TNR: variants seen among roughly 807,000 people sequenced by gnomAD.
TNR encodes tenascin-R.
Under a neutral mutation model 150.4 loss-of-function variants are expected in TNR, and 45 were observed. That is an observed-to-expected ratio of 0.30 (90% CI 0.24 to 0.38). The LOEUF (loss-of-function observed/expected upper bound fraction) is 0.38, where lower values mean the gene tolerates loss of function less well. TNR is among the 10% of genes least tolerant of loss of function. TNR has a pLI of 1.00. For synonymous variants in TNR, 687 were observed against 678.4 expected, an observed-to-expected ratio of 1.01 and a Z score of -0.20; for missense variants, 1,544 against 1,759.1, an observed-to-expected ratio of 0.88 and a Z score of 2.19.
chr1:175,536,957 C>T (rs12126866), intron 1 of TNR, among the ~76,000 whole-genome samples: 1 of 152,240 alleles, frequency 6.6e-6, no homozygotes, highest in African/African-American at 2.4e-5. Flanking sequence ...GGAGTGCTCC[C>T]TAGCCTCCAC....
Position 175,354,651 on chromosome 1 carries a change from C to T in TNR, c.3250-128G>A, listed in dbSNP as rs935662621. 42 of 1,222,756 alleles carry T rather than the reference C, an allele frequency of 3.4e-5. No individual in the cohort carries two copies. In the African/African-American group the frequency reaches 5.1e-4, roughly 15 times the overall value. 75.7% of individuals were successfully genotyped at this position (1,222,756 alleles called of 1,614,324 possible). A position where few individuals can be genotyped will look rare whatever the true frequency, so the allele number is the denominator to read the frequency against. ...ATTGCAATGGCCATTGTCATCCTCTCCATCCCACAATAAGGATTACTGCAC... is the reference window on the plus strand; with the variant it reads ...ATTGCAATGGCCATTGTCATCCTCTTCATCCCACAATAAGGATTACTGCAC... On this transcript the variant is annotated intron_variant, in intron 17 of 22. Coordinates refer to ENST00000367674, the MANE Select transcript of TNR (RefSeq NM_003285.3).
At chr1:175,556,901 G>A (rs1254252489) in intron 1 of TNR, 1 of 152,148 alleles carries the variant, frequency 6.6e-6, no homozygotes, top group Non-Finnish European at 1.5e-5. Context: ...ACACCATATA[G>A]CAAAAGTGTT....
At chr1:175,546,845 G>A (rs533377070) in intron 1 of TNR, among the ~76,000 whole-genome samples, 93 of 152,246 alleles carry the variant, frequency 6.1e-4, no homozygotes, top group African/African-American at 2.0e-3. Flanking sequence ...GCAGTGAGCT[G>A]AGTAAAACAA....
intron 2 of TNR, among the ~76,000 whole-genome samples, chr1:175,526,741 G>T (rs1244291090): frequency 6.6e-6 from 1 of 152,242 alleles, no homozygotes; most frequent in East Asian, 1.9e-4. Context: ...GGCAAGCAAG[G>T]CAGTTCAGGC....
intron 1 of TNR, among the ~76,000 whole-genome samples, chr1:175,708,130 T>C (rs1376975946): frequency 6.6e-6 from 1 of 152,026 alleles, no homozygotes; most frequent in African/African-American, 2.4e-5. Flanking sequence ...GCATAACTTA[T>C]TACTTGCCAT....
At chr1:175,509,468 G>C (rs1309606807) in intron 2 of TNR, among the ~76,000 whole-genome samples, 1 of 151,994 alleles carries the variant, frequency 6.6e-6, no homozygotes, top group Non-Finnish European at 1.5e-5. Context: ...TGATTTTCTT[G>C]GCTCTTATCT....
chr1:175,729,719 T>G (rs1230856943), intron 1 of TNR, among the ~76,000 whole-genome samples: 1 of 152,166 alleles, frequency 6.6e-6, no homozygotes, highest in East Asian at 1.9e-4. Flanking sequence ...TTTATGAAAC[T>G]ATCTAGAATG....
intron 1 of TNR, among the ~76,000 whole-genome samples, chr1:175,564,481 A>G (rs1661558114): frequency 6.6e-6 from 1 of 152,240 alleles, no homozygotes; most frequent in Admixed American, 6.5e-5. Context: ...TACATAATTA[A>G]TATATCAAAT....
At chr1:175,406,071 T>C in intron 3 of TNR, 145 bp downstream of exon 3, 1 of 1,093,710 alleles carries the variant, frequency 9.1e-7, no homozygotes, top group Non-Finnish European at 1.3e-6. Flanking sequence ...GACACTTTTT[T>C]CCTTTGACCG....
intron 18 of TNR, among the ~76,000 whole-genome samples, chr1:175,338,568 A>G (rs934693099): frequency 1.3e-4 from 20 of 152,114 alleles, no homozygotes; most frequent in African/African-American, 4.8e-4. Context: ...AAATAGTATG[A>G]TCTTCTGGGT....
intron 2 of TNR, among the ~76,000 whole-genome samples, chr1:175,483,390 C>T (rs1334175899): frequency 6.6e-6 from 1 of 152,140 alleles, no homozygotes; most frequent in Non-Finnish European, 1.5e-5. Context: ...ATCAAAGGCA[C>T]TGTAAGAGCA....
At chr1:175,693,653 G>T (rs969353810) in intron 1 of TNR, among the ~76,000 whole-genome samples, 1 of 152,208 alleles carries the variant, frequency 6.6e-6, no homozygotes, top group South Asian at 2.1e-4. Flanking sequence ...ACAGGTGACT[G>T]TTCTAAAATT....
At chr1:175,329,823 G>A (rs764877691) in intron 21 of TNR, among the ~76,000 whole-genome samples, 2 of 152,176 alleles carry the variant, frequency 1.3e-5, no homozygotes, top group Non-Finnish European at 2.9e-5. Context: ...GTGAAGTAGG[G>A]CAGGCATCCT....
At chr1:175,390,020 G>A (rs1053929052) in intron 7 of TNR, among the ~76,000 whole-genome samples, 4 of 152,192 alleles carry the variant, frequency 2.6e-5, no homozygotes, top group Admixed American at 6.5e-5. Flanking sequence ...TGTCCTGGTT[G>A]GAGGCATGAA....
At chr1:175,432,811 G>C (rs1427324330) in intron 2 of TNR, among the ~76,000 whole-genome samples, 1 of 152,106 alleles carries the variant, frequency 6.6e-6, no homozygotes, top group Non-Finnish European at 1.5e-5. Context: ...TCTTTTGGTG[G>C]CAAACACATA....
At chr1:175,653,150 C>T (rs1402438419) in intron 1 of TNR, among the ~76,000 whole-genome samples, 1 of 152,150 alleles carries the variant, frequency 6.6e-6, no homozygotes, top group Non-Finnish European at 1.5e-5. Flanking sequence ...AACCACTGGG[C>T]CCATTCCTGG....
chr1:175,579,916 G>A lies in TNR; in HGVS notation c.-164-51547C>T, dbSNP rs533637301. Among the ~76,000 whole-genome samples, 4 of 152,074 alleles carry A rather than the reference G, an allele frequency of 2.6e-5. No individual in the cohort carries two copies. The East Asian group carries it at 7.7e-4, about 29-fold the overall frequency. On this transcript the variant is annotated intron_variant, in intron 1 of 22. Transcript: ENST00000367674. ...CAGCGGGGTGGCTTCAGTTTTTAAG[G>A]AGGCTATTGGTCCCCATGGCAACTT...
At chr1:175,513,771 A>C (rs1039650881) in intron 2 of TNR, among the ~76,000 whole-genome samples, 2 of 152,312 alleles carry the variant, frequency 1.3e-5, no homozygotes, top group South Asian at 2.1e-4. Flanking sequence ...ATCATTTTTC[A>C]ACACCAGAGT....
intron 1 of TNR, among the ~76,000 whole-genome samples, chr1:175,696,902 A>G (rs1666547419): frequency 6.6e-6 from 1 of 151,174 alleles, no homozygotes; most frequent in Non-Finnish European, 1.5e-5. Flanking sequence ...AAAAAAGAAT[A>G]TCATAATTTT....
Sources: gnomAD v4.1 joint callset for allele counts (sites outside exome capture counted in the v4.1 genomes callset) on GRCh38, gnomAD v4.1.1 for gene constraint, MANE v1.5 for transcripts, NCBI Gene and HGNC (gene_info 2026-07-23, HGNC 2026-07-21) for gene names.